SORCS2: variants seen among roughly 807,000 people sequenced by gnomAD.
SORCS2 encodes the protein VPS10 domain-containing receptor SorCS2.
A neutral mutation model predicts 141.6 loss-of-function variants in SORCS2; 100 were observed. The observed-to-expected ratio is 0.71, with a 90% CI of 0.60 to 0.83. The LOEUF is 0.83. Ranked by LOEUF, SORCS2 falls within the 40% of genes least tolerant of loss-of-function variation. SORCS2 has a pLI of 0.00. For missense variants in SORCS2, 1,646 were observed against 1,560.2 expected (o/e 1.05, Z -0.93); for synonymous variants, 789 against 676.9 (o/e 1.17, Z -2.57).
intron 2 of SORCS2, among the ~76,000 whole-genome samples, chr4:7,421,753 C>A (rs1379980700): frequency 6.6e-6 from 1 of 152,116 alleles, no homozygotes; most frequent in Non-Finnish European, 1.5e-5. Context: ...ACTGCGGCCC[C>A]TCTCTGGTCT....
At chr4:7,734,032 C>T (rs970613289) in intron 24 of SORCS2, among the ~76,000 whole-genome samples, 12 of 151,142 alleles carry the variant, frequency 7.9e-5, no homozygotes, top group South Asian at 2.1e-4. Context: ...AGGCAGGGGA[C>T]GGGCAGGAAC....
At chr4:7,213,526 G>A (rs1304296317) in intron 1 of SORCS2, among the ~76,000 whole-genome samples, 1 of 152,234 alleles carries the variant, frequency 6.6e-6, no homozygotes, top group Non-Finnish European at 1.5e-5. Context: ...CACTCATTCA[G>A]TGTTGATCTG....
chr4:7,467,521 A>G (rs4234815), intron 2 of SORCS2, among the ~76,000 whole-genome samples: 150,554 of 152,344 alleles, frequency 0.99, 74,399 homozygotes, highest in East Asian at 1. Flanking sequence ...GTCAGAGGGC[A>G]GCTGGGCTGG....
At chr4:7,351,682 C>T (rs1258587405) in intron 1 of SORCS2, among the ~76,000 whole-genome samples, 6 of 145,200 alleles carry the variant, frequency 4.1e-5, no homozygotes, top group Non-Finnish European at 7.6e-5. Flanking sequence ...CTCTTCCATC[C>T]GTCCATCCAT....
chr4:7,360,899 C>A (rs1472796309), intron 1 of SORCS2, among the ~76,000 whole-genome samples: 1 of 151,928 alleles, frequency 6.6e-6, no homozygotes, highest in East Asian at 1.9e-4. Flanking sequence ...CTTCATGCAT[C>A]TTTTTACTCC....
At chr4:7,304,441 T>C (rs940605615) in intron 1 of SORCS2, among the ~76,000 whole-genome samples, 2 of 152,200 alleles carry the variant, frequency 1.3e-5, no homozygotes. Context: ...GGAGAACTGA[T>C]GGAGAAGAGG....
Position 7,715,323 on chromosome 4 carries a change from T to C in SORCS2, c.2252+12T>C. 6.2e-7 allele frequency: 1 copy of C among 1,613,242 alleles called. No individual in the cohort carries two copies. The highest frequency in any genetic ancestry group is 1.1e-5 in the South Asian group (1 of 91,040). On this transcript the variant is annotated intron_variant, in intron 17 of 26. Coordinates refer to ENST00000507866, the MANE Select transcript of SORCS2 (RefSeq NM_020777.3). Reference sequence around the variant, plus strand: ...ACCAGCAGCCTTGGGTGAGTGTGGGTGCGGGCCTCTCCCTGCCTAAATCCG... The same window carrying C: ...ACCAGCAGCCTTGGGTGAGTGTGGGCGCGGGCCTCTCCCTGCCTAAATCCG...
rs376247418 is a variant in SORCS2, at chr4:7,334,427, C to A, written c.481-61861C>A. Among the ~76,000 whole-genome samples, 99 of 152,258 alleles carry A rather than the reference C, an allele frequency of 6.5e-4. 2 individuals carry two copies. Among genetic ancestry groups the A allele is most frequent in the African/African-American group, 2.3e-3 (97 of 41,550 alleles). ...CACAGCCCCCCAGGGGCTGGTCCCC[C>A]CTCCCATTCCTCCCGTTCCTTGTTG... is the stretch of plus-strand genomic sequence containing the variant. On this transcript the variant is annotated intron_variant, in intron 1 of 26. Coordinates refer to ENST00000507866, the MANE Select transcript of SORCS2 (RefSeq NM_020777.3).
At chr4:7,381,500 C>G (rs911042029) in intron 1 of SORCS2, among the ~76,000 whole-genome samples, 1 of 152,212 alleles carries the variant, frequency 6.6e-6, no homozygotes, top group Admixed American at 6.5e-5. Flanking sequence ...CCCAGTTTCC[C>G]AAAGGCTCTT....
Position 7,635,213 on chromosome 4 carries a change from C to T in SORCS2, c.649-3115C>T, listed in dbSNP as rs75081217. ...GGCTCAGCTAAAATGCCCCATCCTGCGTGGGTGCATCCTGCAGTGTGTGGC... is the reference window on the plus strand; with the variant it reads ...GGCTCAGCTAAAATGCCCCATCCTGTGTGGGTGCATCCTGCAGTGTGTGGC... On this transcript the variant is annotated intron_variant, in intron 3 of 26. Transcript: ENST00000507866. Among the ~76,000 whole-genome samples the T allele has an allele frequency of 7.5e-4, 114 of 152,284 alleles. 1 individual carries two copies. The East Asian group carries it at 0.015, about 20-fold the overall frequency.
At chr4:7,501,429 T>C (rs1251965121) in intron 2 of SORCS2, among the ~76,000 whole-genome samples, 3 of 152,166 alleles carry the variant, frequency 2.0e-5, no homozygotes, top group Admixed American at 2.0e-4. Context: ...CTCCTTACTG[T>C]AGGACACGGT....
At chr4:7,393,790 G>A (rs1203651206) in intron 1 of SORCS2, among the ~76,000 whole-genome samples, 4 of 152,162 alleles carry the variant, frequency 2.6e-5, no homozygotes, top group Non-Finnish European at 4.4e-5. Flanking sequence ...GTCATTTCAC[G>A]TTTGCTACTG....
At chr4:7,410,366 C>G (rs1158403720) in intron 2 of SORCS2, among the ~76,000 whole-genome samples, 5 of 152,150 alleles carry the variant, frequency 3.3e-5, no homozygotes, top group African/African-American at 1.2e-4. Flanking sequence ...GGAACTCTAC[C>G]CTTAAGGTGA....
intron 1 of SORCS2, 119 bp from the exon 2 acceptor site, chr4:7,396,169 C>A (rs1317761345): frequency 1.2e-6 from 1 of 837,094 alleles, no homozygotes; most frequent in Non-Finnish European, 1.9e-6. Flanking sequence ...TAAGAGAGGC[C>A]CCTGGGCGGC....
chr4:7,741,535 C>T lies in SORCS2; in HGVS notation c.*1271C>T. 3.1e-6 allele frequency: 1 copy of T among 321,350 alleles called. No individual in the cohort carries two copies. The highest frequency in any genetic ancestry group is 5.6e-6 in the Non-Finnish European group (1 of 178,194). The allele number at this position is 321,350 out of a possible 1,614,324, so 19.9% of individuals were successfully genotyped here. A position where few individuals can be genotyped will look rare whatever the true frequency, so the allele number is the denominator to read the frequency against. On this transcript the variant is annotated 3_prime_UTR_variant, in exon 27 of 27. Transcript: ENST00000507866. The stretch of plus-strand genomic sequence containing the variant: ...CCTCCCCCTCCTCTCTGGCAGGGAT[C>T]TCAGATGACCGTGGCCTCCCTCTCA...
At chr4:7,404,801 G>T (rs1174988748) in intron 2 of SORCS2, among the ~76,000 whole-genome samples, 1 of 152,092 alleles carries the variant, frequency 6.6e-6, no homozygotes, top group Non-Finnish European at 1.5e-5. Context: ...CCGTTGTGTA[G>T]GTTGTCTGTC....
chr4:7,576,414 AAAAG>A (rs1484929186), intron 3 of SORCS2, among the ~76,000 whole-genome samples: 3 of 152,224 alleles, frequency 2.0e-5, no homozygotes, highest in Non-Finnish European at 4.4e-5. Flanking sequence ...TGGATTTAGG[AAAAG>A]AAAGCGATAG....
At position 7,416,777 on chromosome 4, in the gene SORCS2, TAC is replaced by T. The variant is rs202226060; in HGVS notation, c.548+20429_548+20430del. Among the ~76,000 whole-genome samples the T allele has an allele frequency of 7.2e-3, 952 of 132,360 alleles. 11 individuals carry two copies. Among genetic ancestry groups the T allele is most frequent in the African/African-American group, 0.027 (880 of 32,130 alleles). 86.8% of individuals were successfully genotyped at this position (132,360 alleles called of 152,430 possible). ...GCGCACACAGACACATGCATGCATG[TAC>T]ACACACGCTTGTGCACACACAAACA... is the stretch of plus-strand genomic sequence containing the variant. On this transcript the variant is annotated intron_variant, in intron 2 of 26. Coordinates refer to ENST00000507866, the MANE Select transcript of SORCS2 (RefSeq NM_020777.3).
At chr4:7,252,948 G>C (rs1329593769) in intron 1 of SORCS2, among the ~76,000 whole-genome samples, 1 of 152,240 alleles carries the variant, frequency 6.6e-6, no homozygotes, top group African/African-American at 2.4e-5. Context: ...TCCCCAGATG[G>C]AGCCTCAGGA....
Sources: allele counts gnomAD v4.1 joint callset (sites outside exome capture counted in the v4.1 genomes callset), GRCh38; gene constraint gnomAD v4.1.1; transcripts MANE v1.5; gene names NCBI Gene and HGNC (gene_info 2026-07-23, HGNC 2026-07-21).